Variants in ACSM2B observed in about 807,000 individuals in gnomAD.
ACSM2B encodes acyl-CoA synthetase medium chain family member 2B.
Under a neutral mutation model 78.6 loss-of-function variants are expected in ACSM2B, and 58 were observed. The ratio of observed to expected loss-of-function variants is 0.74; its 90% CI spans 0.60 to 0.92. ACSM2B has a LOEUF of 0.92. Ranked by LOEUF, ACSM2B falls within the 40% of genes least tolerant of loss-of-function variation. ACSM2B has a pLI of 0.00. For missense variants in ACSM2B, 688 were observed against 711.2 expected, an observed-to-expected ratio of 0.97 and a Z score of 0.37; for synonymous variants, 257 against 256.8, an observed-to-expected ratio of 1.00 and a Z score of -0.01.
Position 20,552,173 on chromosome 16 carries a change from G to C in ACSM2B, c.865C>G (p.Pro289Ala). The change falls in exon 6 of 14, where the codon CCA (proline) becomes GCA (alanine). Residue 289 changes from proline to alanine, a missense_variant. Coordinates refer to ENST00000329697, the MANE Select transcript of ACSM2B (RefSeq NM_001105069.2). ...AGAATAACCAGTGGGTCAAACTTTGGCAAGAGATGAACAAATGTGCATGCT... is the reference window on the plus strand; with the variant it reads ...AGAATAACCAGTGGGTCAAACTTTGCCAAGAGATGAACAAATGTGCATGCT... ...LGACTFVHLL[P>A]KFDPLVILKT... The C allele has an allele frequency of 6.2e-7, 1 of 1,613,262 alleles. No homozygotes were observed. Among genetic ancestry groups the C allele is most frequent in the Non-Finnish European group, 8.5e-7 (1 of 1,179,512 alleles).
At chr16:20,557,904 C>T (rs1024406932) in intron 3 of ACSM2B, among the ~76,000 whole-genome samples, 2 of 152,170 alleles carry the variant, frequency 1.3e-5, no homozygotes, top group Non-Finnish European at 2.9e-5. Context: ...TCTATCTTTG[C>T]TCATCCCTGG....
chr16:20,566,533 T>C (rs1208643445), intron 1 of ACSM2B, among the ~76,000 whole-genome samples: 1 of 108,720 alleles, frequency 9.2e-6, no homozygotes, highest in African/African-American at 3.7e-5. Context: ...ATATGTTATA[T>C]ATACTATATA....
chr16:20,560,247 A>G (rs1190937273), intron 2 of ACSM2B, among the ~76,000 whole-genome samples: 1 of 151,444 alleles, frequency 6.6e-6, no homozygotes, highest in Non-Finnish European at 1.5e-5. Context: ...GATACATGAT[A>G]TTGTCTGAAT....
Position 20,555,264 on chromosome 16 carries a change from C to A in ACSM2B, c.596+5G>T. On this transcript the variant is annotated splice_donor_5th_base_variant and intron_variant, in intron 4 of 13. Coordinates refer to ENST00000329697, the MANE Select transcript of ACSM2B (RefSeq NM_001105069.2). ...AAACCCAGGATGAGACATGTAGATA[C>A]TCACTTTAGTAGTTTCTTGAAGTTC... 6.2e-7 allele frequency: 1 copy of A among 1,613,924 alleles called. No homozygotes were observed. The highest frequency in any genetic ancestry group is 8.5e-7 in the Non-Finnish European group (1 of 1,179,846).
In ACSM2B at chr16:20,537,128, C is replaced by A; in HGVS notation, c.*130G>T. On this transcript the variant is annotated 3_prime_UTR_variant, in exon 14 of 14. Coordinates refer to ENST00000329697, the MANE Select transcript of ACSM2B (RefSeq NM_001105069.2). ...ACATAGTAATGTTTTGTGCTAATAA[C>A]CAGGGCAAGACAAAACTTACATTCA... 2 of 1,119,886 alleles carry A rather than the reference C, an allele frequency of 1.8e-6. No homozygotes were observed. The highest frequency in any genetic ancestry group is 1.5e-5 in the South Asian group (1 of 66,782). 69.4% of individuals were successfully genotyped at this position (1,119,886 alleles called of 1,614,324 possible). A position where few individuals can be genotyped will look rare whatever the true frequency, so the allele number is the denominator to read the frequency against.
intron 5 of ACSM2B, among the ~76,000 whole-genome samples, chr16:20,552,901 AC>A (rs1382304271): frequency 6.6e-6 from 1 of 152,146 alleles, no homozygotes; most frequent in Non-Finnish European, 1.5e-5. Context: ...GATGATTAAT[AC>A]TTTCAGCTCT....
At chr16:20,538,234 G>T (rs1201745727) in intron 13 of ACSM2B, among the ~76,000 whole-genome samples, 2 of 152,210 alleles carry the variant, frequency 1.3e-5, no homozygotes, top group East Asian at 3.8e-4. Flanking sequence ...AGTCAAGACT[G>T]ACTTTGTGGA....
In ACSM2B at chr16:20,544,800, G is replaced by A. The variant is rs572023353; in HGVS notation, c.1281+357C>T. ...TGGCATGGCTCTAAAGAAGATCAAC[G>A]GCATAGATCATGGGGATGATACCTA... On this transcript the variant is annotated intron_variant, in intron 10 of 13. Transcript: ENST00000329697. The A allele has an allele frequency of 1.8e-5, 18 of 996,724 alleles. No individual in the cohort carries two copies. In the Admixed American group the frequency reaches 4.2e-4, roughly 23 times the overall value. The allele number at this position is 996,724 out of a possible 1,614,324, so 61.7% of individuals were successfully genotyped here. A position where few individuals can be genotyped will look rare whatever the true frequency, so the allele number is the denominator to read the frequency against.
intron 6 of ACSM2B, chr16:20,549,998 A>AT (rs71377665): frequency 0.19 from 51,633 of 265,602 alleles, 5,806 homozygotes; most frequent in East Asian, 0.66. Flanking sequence ...ATAGGTTTTA[A>AT]TTTTTTTTTA....
At chr16:20,558,246 A>G (rs1045375306) in intron 3 of ACSM2B, among the ~76,000 whole-genome samples, 55 of 151,816 alleles carry the variant, frequency 3.6e-4, no homozygotes, top group Middle Eastern at 3.2e-3. Context: ...AACTAACTCA[A>G]CCAGTTCTGT....
At chr16:20,551,963 C>T (rs1227742146) in intron 6 of ACSM2B, among the ~76,000 whole-genome samples, 181 bp downstream of exon 6, 2 of 152,164 alleles carry the variant, frequency 1.3e-5, no homozygotes, top group East Asian at 1.9e-4. Flanking sequence ...TGCCTGTCTC[C>T]TACCCCAGAA....
intron 12 of ACSM2B, 170 bp from the exon 13 acceptor site, chr16:20,540,943 G>C (rs2014971757): frequency 3.8e-6 from 4 of 1,065,422 alleles, no homozygotes; most frequent in Admixed American, 2.7e-5. Flanking sequence ...TGAGGTTCCA[G>C]CTCTCTCTGA....
chr16:20,543,202 C>T lies in ACSM2B; in HGVS notation c.1342G>A (p.Gly448Arg), dbSNP rs1327147337. ...RGDFWLLGDR[G>R]IKDEDGYFQF... The stretch of plus-strand genomic sequence containing the variant: ...AAATACCCATCTTCATCTTTGATTC[C>T]CCGGTCTCCAAGGAGCCAAAAGTCT... The change falls in exon 11 of 14, where the codon GGA (glycine) becomes AGA (arginine). Residue 448 changes from glycine (G) to arginine (R), a missense_variant. Coordinates refer to ENST00000329697, the MANE Select transcript of ACSM2B (RefSeq NM_001105069.2). 6.2e-7 allele frequency: 1 copy of T among 1,613,848 alleles called. No individual in the cohort carries two copies. Among genetic ancestry groups the T allele is most frequent in the Non-Finnish European group, 8.5e-7 (1 of 1,179,876 alleles).
chr16:20,564,352 G>C (rs1325568455), intron 2 of ACSM2B, among the ~76,000 whole-genome samples: 1 of 151,862 alleles, frequency 6.6e-6, no homozygotes, highest in Non-Finnish European at 1.5e-5. Context: ...CCTCTTCTAC[G>C]ACCCCAGACC....
chr16:20,552,009 C>T (rs1300312061), intron 6 of ACSM2B, 135 bp downstream of exon 6: 11 of 1,430,192 alleles, frequency 7.7e-6, no homozygotes, highest in African/African-American at 1.4e-5. Context: ...ATTTCCATCT[C>T]GTTTACTGAA....
At chr16:20,547,632 C>T in intron 8 of ACSM2B, 1 of 1,005,800 alleles carries the variant, frequency 9.9e-7, no homozygotes, top group Non-Finnish European at 1.2e-6. Flanking sequence ...TTCTTCTTCC[C>T]ATTCCTCACT....
rs1161695830 is a variant in ACSM2B at position 20,566,328 on chromosome 16, A to C, written c.-8-1475T>G. Among the ~76,000 whole-genome samples the C allele has an allele frequency of 1.5e-5, 2 of 133,532 alleles. 1 individual carries two copies. The highest frequency in any genetic ancestry group is 4.2e-4 in the East Asian group (2 of 4,756). 87.6% of individuals were successfully genotyped at this position (133,532 alleles called of 152,430 possible). A position where few individuals can be genotyped will look rare whatever the true frequency, so the allele number is the denominator to read the frequency against. On this transcript the variant is annotated intron_variant, in intron 1 of 13. Transcript: ENST00000329697. The stretch of plus-strand genomic sequence containing the variant: ...ATAAATATATATCCATCAGCTTGGA[A>C]TGAAGAAAGGCACAGGAGCATGGCT...
chr16:20,565,192 G>C (rs969855655), intron 1 of ACSM2B, among the ~76,000 whole-genome samples: 1 of 152,068 alleles, frequency 6.6e-6, no homozygotes, highest in East Asian at 1.9e-4. Flanking sequence ...CTCCCTTTCC[G>C]TTCTAGGATT....
At chr16:20,567,168 A>T (rs2152146892) in intron 1 of ACSM2B, among the ~76,000 whole-genome samples, 1 of 134,288 alleles carries the variant, frequency 7.4e-6, no homozygotes, top group African/African-American at 2.7e-5. Flanking sequence ...ATTATATATT[A>T]TATATAATAC....
Sources: gnomAD v4.1 joint callset for allele counts (sites outside exome capture counted in the v4.1 genomes callset) on GRCh38, gnomAD v4.1.1 for gene constraint, MANE v1.5 for transcripts, NCBI Gene and HGNC (gene_info 2026-07-23, HGNC 2026-07-21) for gene names.